Variants in KCNH7 observed in about 807,000 individuals in gnomAD.
KCNH7 encodes the protein potassium voltage-gated channel subfamily H member 7.
KCNH7 carries 49 observed loss-of-function variants against 120.8 expected under a neutral mutation model. That is an observed-to-expected ratio of 0.41 (90% CI 0.32 to 0.51). The LOEUF (loss-of-function observed/expected upper bound fraction) is 0.51, where lower values mean the gene tolerates loss of function less well. Ranked by LOEUF, KCNH7 falls within the 20% of genes least tolerant of loss-of-function variation. The pLI is 0.38. For synonymous variants in KCNH7, 547 were observed against 516.1 expected (o/e 1.06, Z -0.81); for missense variants, 1,097 against 1,446.6 (o/e 0.76, Z 3.92).
At chr2:162,700,892 C>T (rs953571117) in intron 2 of KCNH7, among the ~76,000 whole-genome samples, 19 of 152,114 alleles carry the variant, frequency 1.2e-4, no homozygotes, top group African/African-American at 4.6e-4. Context: ...AGAGTTTTGG[C>T]TTATTAAAAT....
At chr2:162,537,481 C>T (rs150147375) in intron 2 of KCNH7, among the ~76,000 whole-genome samples, 1,851 of 152,102 alleles carry the variant, frequency 0.012, 36 homozygotes, top group African/African-American at 0.04. Flanking sequence ...GAAGGCAACT[C>T]ATGTCATCTT....
At chr2:162,614,092 T>G (rs1160092996) in intron 2 of KCNH7, among the ~76,000 whole-genome samples, 1 of 152,062 alleles carries the variant, frequency 6.6e-6, no homozygotes, top group Non-Finnish European at 1.5e-5. Context: ...AAGATTAACT[T>G]GTACATACCT....
chr2:162,684,974 T>G (rs927248862), intron 2 of KCNH7, among the ~76,000 whole-genome samples: 1 of 152,052 alleles, frequency 6.6e-6, no homozygotes, highest in Non-Finnish European at 1.5e-5. Flanking sequence ...ATAGACTGGA[T>G]AAAGAAAATG....
intron 2 of KCNH7, among the ~76,000 whole-genome samples, chr2:162,773,466 C>T (rs305693): frequency 0.47 from 70,988 of 152,004 alleles, 19,826 homozygotes; most frequent in African/African-American, 0.79. Flanking sequence ...CCAGCCTCCT[C>T]GGCAACAGAG....
At chr2:162,645,159 AT>A (rs560353863) in intron 2 of KCNH7, among the ~76,000 whole-genome samples, 194 of 150,890 alleles carry the variant, frequency 1.3e-3, no homozygotes, top group African/African-American at 4.5e-3. Flanking sequence ...TTATTGAAGC[AT>A]TTTTTTTTAA....
intron 2 of KCNH7, among the ~76,000 whole-genome samples, chr2:162,541,790 C>A (rs1033785566): frequency 3.3e-5 from 5 of 152,074 alleles, no homozygotes; most frequent in African/African-American, 1.2e-4. Context: ...ACCACCATGG[C>A]ACACATTTAC....
At chr2:162,835,617 TATAG>T (rs1685635451) in intron 2 of KCNH7, among the ~76,000 whole-genome samples, 2 of 151,734 alleles carry the variant, frequency 1.3e-5, no homozygotes, top group Admixed American at 6.6e-5. Context: ...TGTATAGATA[TATAG>T]ATATATATAG....
At chr2:162,631,658 C>G (rs1427727985) in intron 2 of KCNH7, among the ~76,000 whole-genome samples, 2 of 151,760 alleles carry the variant, frequency 1.3e-5, no homozygotes, top group African/African-American at 2.4e-5. Flanking sequence ...TTATAACACT[C>G]AAAAAGTATC....
intron 2 of KCNH7, among the ~76,000 whole-genome samples, chr2:162,817,561 A>G (rs1419039473): frequency 6.6e-6 from 1 of 151,992 alleles, no homozygotes; most frequent in African/African-American, 2.4e-5. Context: ...ATATATTTTC[A>G]TTTTTCTTAG....
At chr2:162,410,540 C>G (rs1268208729) in intron 9 of KCNH7, among the ~76,000 whole-genome samples, 1 of 151,666 alleles carries the variant, frequency 6.6e-6, no homozygotes, top group African/African-American at 2.4e-5. Context: ...TCAACCTTGG[C>G]AAAAATTTAT....
intron 6 of KCNH7, among the ~76,000 whole-genome samples, chr2:162,470,480 T>C (rs1397097146): frequency 3.8e-5 from 5 of 132,554 alleles, no homozygotes; most frequent in African/African-American, 5.6e-5. Context: ...GCAGCCGCCC[T>C]GTCTGAGAAG....
rs890083537 is a variant in KCNH7, at chr2:162,425,102, G to A, written c.1955-1567C>T. ...ATGAACTCTGTGCTTGACTGTCTGA[G>A]CAGGAATATCAGTCTACTCCAGCCT... On this transcript the variant is annotated intron_variant, in intron 8 of 15. Transcript: ENST00000332142. 7.9e-5 allele frequency among the ~76,000 whole-genome samples: 12 copies of A among 152,222 alleles called. No individual in the cohort carries two copies. The Middle Eastern group carries it at 0.014, about 173-fold the overall frequency.
intron 2 of KCNH7, among the ~76,000 whole-genome samples, chr2:162,714,158 C>T (rs184175367): frequency 2.3e-3 from 354 of 152,258 alleles, no homozygotes; most frequent in African/African-American, 7.8e-3. Context: ...TAGCTTGAAC[C>T]TAAATAGTTA....
intron 6 of KCNH7, among the ~76,000 whole-genome samples, chr2:162,501,370 A>G (rs1690679924): frequency 6.6e-6 from 1 of 152,072 alleles, no homozygotes; most frequent in Admixed American, 6.6e-5. Flanking sequence ...TTTTGCCTGT[A>G]TCATACCTCT....
chr2:162,585,128 G>T (rs1451394952), intron 2 of KCNH7, among the ~76,000 whole-genome samples: 1 of 151,902 alleles, frequency 6.6e-6, no homozygotes, highest in Non-Finnish European at 1.5e-5. Context: ...GGAACTGCTG[G>T]GTGTGGGCTC....
chr2:162,824,799 T>A (rs1286587247), intron 2 of KCNH7, among the ~76,000 whole-genome samples: 1 of 152,052 alleles, frequency 6.6e-6, no homozygotes, highest in Non-Finnish European at 1.5e-5. Flanking sequence ...TTATTATGAC[T>A]TTGCTAACTT....
rs373785268 is a variant in KCNH7, at chr2:162,578,557, C to T, written c.308-41477G>A. ...CAGGGCAGATGAGGGTAGAGCATGA[C>T]ACTGGAAACTTAGGAAGCCAGGGCT... On this transcript the variant is annotated intron_variant, in intron 2 of 15. Coordinates refer to ENST00000332142, the MANE Select transcript of KCNH7 (RefSeq NM_033272.4). 2.6e-5 allele frequency among the ~76,000 whole-genome samples: 4 copies of T among 151,946 alleles called. No homozygotes were observed. The South Asian group carries it at 8.3e-4, about 31-fold the overall frequency.
intron 9 of KCNH7, among the ~76,000 whole-genome samples, chr2:162,406,930 A>G (rs1424324506): frequency 6.6e-6 from 1 of 152,052 alleles, no homozygotes; most frequent in Non-Finnish European, 1.5e-5. Flanking sequence ...CATGTTTAAT[A>G]TTCCATTGTA....
intron 2 of KCNH7, among the ~76,000 whole-genome samples, chr2:162,660,591 A>T (rs771700029): frequency 6.6e-6 from 1 of 152,198 alleles, no homozygotes; most frequent in Admixed American, 6.5e-5. Context: ...CTGTTGTTGA[A>T]TAAGTATTCT....
Sources: gnomAD v4.1 joint callset for allele counts (sites outside exome capture counted in the v4.1 genomes callset) on GRCh38, gnomAD v4.1.1 for gene constraint, MANE v1.5 for transcripts, NCBI Gene and HGNC (gene_info 2026-07-23, HGNC 2026-07-21) for gene names.